EEFSEC: variants seen among roughly 807,000 people sequenced by gnomAD.
EEFSEC encodes the protein eukaryotic elongation factor, selenocysteine-tRNA specific.
A neutral mutation model predicts 42.1 loss-of-function variants in EEFSEC; 43 were observed. The ratio of observed to expected loss-of-function variants is 1.02; its 90% CI spans 0.80 to 1.32. EEFSEC has a LOEUF of 1.32. Ranked by LOEUF, EEFSEC falls within the 40% of genes most tolerant of loss-of-function variation. The pLI, the probability that EEFSEC is intolerant of heterozygous loss-of-function variation, is 0.00. For synonymous variants in EEFSEC, 354 were observed against 339.1 expected, an observed-to-expected ratio of 1.04 and a Z score of -0.48; for missense variants, 745 against 803.6, an observed-to-expected ratio of 0.93 and a Z score of 0.88.
chr3:128,221,979 A>G (rs1340949949), intron 1 of EEFSEC, among the ~76,000 whole-genome samples: 1 of 151,034 alleles, frequency 6.6e-6, no homozygotes. Flanking sequence ...TTAATGCTTC[A>G]TGGAAGTTAG....
chr3:128,315,490 A>G (rs1471530142), intron 4 of EEFSEC, among the ~76,000 whole-genome samples: 1 of 152,164 alleles, frequency 6.6e-6, no homozygotes, highest in Non-Finnish European at 1.5e-5. Context: ...CACGGCCAAT[A>G]AGATGTATTG....
At position 128,197,808 on chromosome 3, in the gene EEFSEC, C is replaced by A. The variant is rs188003134; in HGVS notation, c.316+43985C>A. On this transcript the variant is annotated intron_variant, in intron 1 of 6. Transcript: ENST00000254730. Reference sequence around the variant, plus strand: ...TGGAGCTCAGGGTTGAGGTCTGCCCCAGGTCCCCCGGTTTTGGTAAATCTT... The same window carrying A: ...TGGAGCTCAGGGTTGAGGTCTGCCCAAGGTCCCCCGGTTTTGGTAAATCTT... Among the ~76,000 whole-genome samples, 7 of 152,280 alleles carry A rather than the reference C, an allele frequency of 4.6e-5. No homozygotes were observed. The East Asian group carries it at 1.3e-3, about 29-fold the overall frequency.
At chr3:128,268,107 G>C (rs374665621) in intron 4 of EEFSEC, among the ~76,000 whole-genome samples, 20 of 152,376 alleles carry the variant, frequency 1.3e-4, no homozygotes, top group African/African-American at 4.8e-4. Context: ...AGCCACAGAG[G>C]TCAGTCTCAG....
intron 6 of EEFSEC, among the ~76,000 whole-genome samples, chr3:128,367,083 G>A (rs917298928): frequency 1.3e-5 from 2 of 152,160 alleles, no homozygotes; most frequent in African/African-American, 4.8e-5. Context: ...GCGTGTCTGT[G>A]TCCCAACCTC....
the EEFSEC span, among the ~76,000 whole-genome samples, chr3:128,415,191 T>A: frequency 2.6e-5 from 4 of 152,086 alleles, no homozygotes; most frequent in African/African-American, 9.7e-5. Context: ...GTCATTGGCA[T>A]ACAGGCACAG....
chr3:128,171,727 CTT>C (rs1222388925), intron 1 of EEFSEC, among the ~76,000 whole-genome samples: 1 of 151,924 alleles, frequency 6.6e-6, no homozygotes, highest in Non-Finnish European at 1.5e-5. Flanking sequence ...AATGATTTGC[CTT>C]TTTAAGTTCT....
intron 1 of EEFSEC, among the ~76,000 whole-genome samples, chr3:128,159,649 C>G (rs1024757786): frequency 2.0e-5 from 3 of 152,224 alleles, no homozygotes; most frequent in Non-Finnish European, 4.4e-5. Context: ...GCTCCCCACT[C>G]TGACCTTCAG....
chr3:128,167,958 C>A (rs2065258010), intron 1 of EEFSEC, among the ~76,000 whole-genome samples: 1 of 152,186 alleles, frequency 6.6e-6, no homozygotes, highest in Non-Finnish European at 1.5e-5. Context: ...CCTCTGTGAA[C>A]CTTTAACCTT....
At chr3:128,162,713 G>T (rs2065202607) in intron 1 of EEFSEC, among the ~76,000 whole-genome samples, 1 of 152,132 alleles carries the variant, frequency 6.6e-6, no homozygotes, top group African/African-American at 2.4e-5. Flanking sequence ...TTCTCATGGG[G>T]CTTGCCCTTG....
chr3:128,195,964 G>A (rs951649598), intron 1 of EEFSEC, among the ~76,000 whole-genome samples: 4 of 152,244 alleles, frequency 2.6e-5, no homozygotes, highest in African/African-American at 9.6e-5. Flanking sequence ...CTAGACTTGG[G>A]CAATGGCATG....
intron 6 of EEFSEC, among the ~76,000 whole-genome samples, chr3:128,367,161 A>T (rs2067599687): frequency 6.6e-6 from 1 of 151,966 alleles, no homozygotes. Flanking sequence ...TCTTAATTAC[A>T]CCTTTAAAGG....
In EEFSEC at chr3:128,317,338, C is replaced by T. The variant is rs1002383351; in HGVS notation, c.787-23895C>T. Reference sequence around the variant, plus strand: ...TGCGTCCCCAGACTTGTAAGCCTGGCCTGTTCTCCGCCCCGCTGCTGGAGC... The same window carrying T: ...TGCGTCCCCAGACTTGTAAGCCTGGTCTGTTCTCCGCCCCGCTGCTGGAGC... On this transcript the variant is annotated intron_variant, in intron 4 of 6. Coordinates refer to ENST00000254730, the MANE Select transcript of EEFSEC (RefSeq NM_021937.5). The surrounding 1 kb of genome is among the most constrained non-coding windows in gnomAD (Gnocchi z 4.1). 1.3e-5 allele frequency among the ~76,000 whole-genome samples: 2 copies of T among 152,176 alleles called. No individual in the cohort carries two copies. The highest frequency in any genetic ancestry group is 2.9e-5 in the Non-Finnish European group (2 of 68,022).
intron 4 of EEFSEC, among the ~76,000 whole-genome samples, chr3:128,328,801 A>G (rs2067093419): frequency 6.6e-6 from 1 of 152,192 alleles, no homozygotes; most frequent in Admixed American, 6.5e-5. Flanking sequence ...GCCGTTTTAC[A>G]GGGATTAACA....
chr3:128,186,631 T>C (rs2065467913), intron 1 of EEFSEC, among the ~76,000 whole-genome samples: 1 of 152,216 alleles, frequency 6.6e-6, no homozygotes, highest in Admixed American at 6.5e-5. Flanking sequence ...CTTAATTCTT[T>C]AGCTTGTGGA....
intron 2 of EEFSEC, among the ~76,000 whole-genome samples, chr3:128,255,970 T>C (rs1341704894): frequency 4.6e-5 from 7 of 151,846 alleles, no homozygotes. Flanking sequence ...GGCTTCTGTT[T>C]GGGGCTATAG....
intron 6 of EEFSEC, among the ~76,000 whole-genome samples, chr3:128,383,206 CTT>C (rs1435317204): frequency 6.6e-6 from 1 of 152,218 alleles, no homozygotes; most frequent in Admixed American, 6.5e-5. Context: ...CTATCGGAAA[CTT>C]TCTCCTGTAT....
At chr3:128,184,718 A>T (rs1394474381) in intron 1 of EEFSEC, among the ~76,000 whole-genome samples, 1 of 152,208 alleles carries the variant, frequency 6.6e-6, no homozygotes, top group Admixed American at 6.5e-5. Flanking sequence ...TTTAAAATGA[A>T]GGACATTTTT....
chr3:128,272,172 C>G (rs578110083), intron 4 of EEFSEC, among the ~76,000 whole-genome samples: 1 of 152,336 alleles, frequency 6.6e-6, no homozygotes, highest in East Asian at 1.9e-4. Flanking sequence ...ATAATCCCCA[C>G]AGCTCTGGCT....
intron 1 of EEFSEC, among the ~76,000 whole-genome samples, chr3:128,174,023 C>T (rs1016666593): frequency 1.3e-5 from 2 of 152,164 alleles, no homozygotes; most frequent in African/African-American, 2.4e-5. Context: ...AACTGCAAGG[C>T]GATCTCTTAG....
Sources: gnomAD v4.1 joint callset for allele counts (sites outside exome capture counted in the v4.1 genomes callset) on GRCh38, gnomAD v4.1.1 for gene constraint, Gnocchi (gnomAD v3.1) non-coding constraint, MANE v1.5 for transcripts, NCBI Gene and HGNC (gene_info 2026-07-23, HGNC 2026-07-21) for gene names.